Variants in HSPD1 observed in about 807,000 individuals in gnomAD.
HSPD1 encodes 60 kDa heat shock protein, mitochondrial.
Under a neutral mutation model 53.0 loss-of-function variants are expected in HSPD1, and 3 were observed. The ratio of observed to expected loss-of-function variants is 0.06; its 90% CI spans 0.03 to 0.15. HSPD1 has a LOEUF of 0.15. Among genes scored for constraint, HSPD1 ranks in the 10% least tolerant of loss-of-function variants. The pLI is 1.00. For missense variants in HSPD1, 431 were observed against 694.1 expected, an observed-to-expected ratio of 0.62 and a Z score of 4.26; for synonymous variants, 200 against 228.0, an observed-to-expected ratio of 0.88 and a Z score of 1.10.
chr2:197,494,554 C>T, intron 5 of HSPD1, 103 bp downstream of exon 5: 1 of 826,630 alleles, frequency 1.2e-6, no homozygotes, highest in Non-Finnish European at 2.1e-6. Context: ...GTTTTTAAAA[C>T]AGAATTTTTC....
At chr2:197,488,934 A>G (rs2086058431) in intron 9 of HSPD1, 68 bp downstream of exon 9, 3 of 1,509,426 alleles carry the variant, frequency 2.0e-6, no homozygotes, top group East Asian at 2.3e-5. Context: ...CTACTGGGGA[A>G]TACTACAGAA....
chr2:197,498,713 G>C lies in HSPD1; in HGVS notation c.136C>G (p.Leu46Val). The C allele has an allele frequency of 6.2e-7, 1 of 1,613,990 alleles. No individual in the cohort carries two copies. The change falls in exon 2 of 12, where the codon CTT becomes GTT. Residue 46 changes from leucine (L) to valine (V), a missense_variant. Leu to Val is a conservative substitution (Grantham distance 32, BLOSUM62 1). This residue lies in a region of HSPD1 where 386 missense variants were observed against 657.6 expected (regional missense o/e 0.59). Coordinates refer to ENST00000388968, the MANE Select transcript of HSPD1 (RefSeq NM_002156.5). The part of the protein sequence containing the change: ...ARALMLQGVD[L>V]LADAVAVTMG... Reference sequence around the variant, plus strand: ...GTAACGGCCACAGCATCGGCTAAAAGGTCTACACCTTGAAGCATTAAGGCT... The same window carrying C: ...GTAACGGCCACAGCATCGGCTAAAACGTCTACACCTTGAAGCATTAAGGCT...
At chr2:197,491,190 G>GC (rs1401786606) in intron 7 of HSPD1, among the ~76,000 whole-genome samples, 6 of 136,774 alleles carry the variant, frequency 4.4e-5, no homozygotes, top group Admixed American at 7.3e-5. Flanking sequence ...TTTTTTGTGT[G>GC]TTTTTTTTTT....
intron 7 of HSPD1, chr2:197,490,521 G>A (rs937043103): frequency 6.3e-5 from 34 of 538,986 alleles, no homozygotes; most frequent in Admixed American, 2.2e-4. Flanking sequence ...GTCCATATCC[G>A]TTTACCTTCT....
chr2:197,490,170 A>G, intron 8 of HSPD1, 27 bp downstream of exon 8: 2 of 1,438,350 alleles, frequency 1.4e-6, no homozygotes, highest in Non-Finnish European at 2.0e-6. Flanking sequence ...ACATTCAGCA[A>G]ACCATTATCA....
rs530341152 is a variant in HSPD1, at chr2:197,499,314, T to C, written c.-2-464A>G. On this transcript the variant is annotated intron_variant, in intron 1 of 11. Coordinates refer to ENST00000388968, the MANE Select transcript of HSPD1 (RefSeq NM_002156.5). ...CATGGATCCACCCAAGGCTACTGTA[T>C]CAGAGCAACCAGCAAGGCCGCGATG... 16 of 185,542 alleles carry C rather than the reference T, an allele frequency of 8.6e-5. 1 individual carries two copies. The South Asian group carries it at 1.5e-3, about 17-fold the overall frequency. 11.5% of individuals were successfully genotyped at this position (185,542 alleles called of 1,614,324 possible). A position where few individuals can be genotyped will look rare whatever the true frequency, so the allele number is the denominator to read the frequency against.
chr2:197,494,136 C>A, intron 6 of HSPD1, 21 bp downstream of exon 6: 1 of 1,015,732 alleles, frequency 9.8e-7, no homozygotes, highest in South Asian at 1.3e-5. Context: ...AATAATAATT[C>A]AGTTATTGAT....
chr2:197,498,191 T>C (rs2086183145), intron 2 of HSPD1, among the ~76,000 whole-genome samples: 2 of 152,214 alleles, frequency 1.3e-5, no homozygotes, highest in African/African-American at 4.8e-5. Flanking sequence ...TGGTGATGAC[T>C]GCACAACATA....
chr2:197,495,452 G>T (rs776292548), intron 3 of HSPD1, 76 bp from the exon 4 acceptor site: 116 of 1,064,000 alleles, frequency 1.1e-4, no homozygotes, highest in South Asian at 2.2e-4. Flanking sequence ...CTTGAGATTT[G>T]TGACAAATAT....
intron 9 of HSPD1, 135 bp downstream of exon 9, chr2:197,488,867 A>G: frequency 1.9e-6 from 2 of 1,075,808 alleles, no homozygotes; most frequent in South Asian, 2.6e-5. Flanking sequence ...TCAAAACAAA[A>G]CAAACAAAAT....
chr2:197,489,379 G>T (rs1574597175), intron 8 of HSPD1, 132 bp from the exon 9 acceptor site: 2 of 949,926 alleles, frequency 2.1e-6, no homozygotes, highest in East Asian at 2.6e-5. Context: ...TAAGATCACT[G>T]TTAGTCCAGA....
Position 197,488,508 on chromosome 2 carries a change from T to C in HSPD1, c.1216-17A>G, listed in dbSNP as rs2086053502. Reference sequence around the variant, plus strand: ...CCCACCAACCTAAAGACGAAAAGAATTCCAGTTAGTATGGCCTCTTCATTC... The same window carrying C: ...CCCACCAACCTAAAGACGAAAAGAACTCCAGTTAGTATGGCCTCTTCATTC... On this transcript the variant is annotated splice_polypyrimidine_tract_variant and intron_variant, in intron 9 of 11. Coordinates refer to ENST00000388968, the MANE Select transcript of HSPD1 (RefSeq NM_002156.5). The C allele has an allele frequency of 4.3e-6, 7 of 1,609,674 alleles. No individual in the cohort carries two copies. Among genetic ancestry groups the C allele is most frequent in the Non-Finnish European group, 4.3e-6 (5 of 1,175,952 alleles).
chr2:197,497,442 C>T, intron 2 of HSPD1, 50 bp from the exon 3 acceptor site: 1 of 1,591,804 alleles, frequency 6.3e-7, no homozygotes, highest in Non-Finnish European at 8.6e-7. Context: ...GGATGATTTA[C>T]ATTTTTAAAA....
In HSPD1 at chr2:197,498,814, C is replaced by G. The variant is rs1487251268; in HGVS notation, c.35G>C (p.Arg12Thr). ...AGGAGCCAGTACCCTGGACACCGGTCTCATCTGGCGAAAGACTGTGGGTAA... is the reference window on the plus strand; with the variant it reads ...AGGAGCCAGTACCCTGGACACCGGTGTCATCTGGCGAAAGACTGTGGGTAA... Reference protein sequence around the residue: ...LRLPTVFRQMRPVSRVLAPHL... With the variant: ...LRLPTVFRQMTPVSRVLAPHL... Residue 12 changes from arginine (R) to threonine (T), a missense_variant, in exon 2 of 12, where the codon AGA becomes ACA. Physicochemically the swap from Arg to Thr is moderately conservative, Grantham distance 71. This residue lies in a region of HSPD1 where 45 missense variants were observed against 36.5 expected (regional missense o/e 1.23). Coordinates refer to ENST00000388968, the MANE Select transcript of HSPD1 (RefSeq NM_002156.5). 9.3e-6 allele frequency: 15 copies of G among 1,614,178 alleles called. No homozygotes were observed. The highest frequency in any genetic ancestry group is 1.6e-4 in the Middle Eastern group (1 of 6,062).
chr2:197,487,258 A>C, intron 11 of HSPD1, 60 bp from the exon 12 acceptor site: 1 of 1,497,960 alleles, frequency 6.7e-7, no homozygotes, highest in Non-Finnish European at 9.2e-7. Context: ...GACTTATTGA[A>C]AATTTCTGTC....
At chr2:197,491,289 G>A (rs775468663) in intron 7 of HSPD1, among the ~76,000 whole-genome samples, 8 of 150,754 alleles carry the variant, frequency 5.3e-5, no homozygotes, top group Non-Finnish European at 1.0e-4. Flanking sequence ...CTGGGTTTAC[G>A]CCATTCTCCT....
chr2:197,497,069 T>C (rs2086167429), intron 3 of HSPD1, 71 bp downstream of exon 3: 1 of 1,428,856 alleles, frequency 7.0e-7, no homozygotes, highest in Non-Finnish European at 9.9e-7. Flanking sequence ...ACACTTTCCT[T>C]AGGTCCAAGG....
intron 7 of HSPD1, among the ~76,000 whole-genome samples, chr2:197,491,423 C>T (rs2086091092): frequency 6.6e-6 from 1 of 151,912 alleles, no homozygotes; most frequent in Non-Finnish European, 1.5e-5. Context: ...GCTTCCCAAA[C>T]TGCTGGGATT....
At chr2:197,491,798 A>G (rs1559301623) in intron 7 of HSPD1, among the ~76,000 whole-genome samples, 1 of 152,182 alleles carries the variant, frequency 6.6e-6, no homozygotes. Flanking sequence ...ATTGGGTGCT[A>G]TTTTCTCTAC....
Sources: allele counts gnomAD v4.1 joint callset (sites outside exome capture counted in the v4.1 genomes callset), GRCh38; gene constraint gnomAD v4.1.1; regional missense constraint gnomAD v4.1.1; transcripts MANE v1.5; gene names NCBI Gene and HGNC (gene_info 2026-07-23, HGNC 2026-07-21).